KHDRBS2: variants seen among roughly 807,000 people sequenced by gnomAD.
KHDRBS2 encodes KH domain-containing, RNA-binding, signal transduction-associated protein 2.
In KHDRBS2, 26 loss-of-function variants were observed where a neutral mutation model predicts 44.3. That is an observed-to-expected ratio of 0.59 (90% CI 0.43 to 0.81). The LOEUF (loss-of-function observed/expected upper bound fraction) is 0.81, where lower values mean the gene tolerates loss of function less well. Ranked by LOEUF, KHDRBS2 falls within the 40% of genes least tolerant of loss-of-function variation. The pLI, the probability that KHDRBS2 is intolerant of heterozygous loss-of-function variation, is 0.00. For missense variants in KHDRBS2, 476 were observed against 433.1 expected, an observed-to-expected ratio of 1.10 and a Z score of -0.88; for synonymous variants, 194 against 151.1, an observed-to-expected ratio of 1.28 and a Z score of -2.08.
intron 3 of KHDRBS2, among the ~76,000 whole-genome samples, chr6:62,005,451 A>T (rs1349866357): frequency 2.6e-5 from 4 of 152,020 alleles, no homozygotes; most frequent in Admixed American, 2.6e-4. Context: ...ATATGCTTTA[A>T]TAATAGAAAA....
At chr6:62,079,564 T>C (rs1341603268) in intron 2 of KHDRBS2, among the ~76,000 whole-genome samples, 3 of 152,112 alleles carry the variant, frequency 2.0e-5, no homozygotes, top group Admixed American at 6.6e-5. Flanking sequence ...GATTCAGTTG[T>C]TGAATTTCAA....
chr6:61,794,272 G>A (rs1879023), intron 6 of KHDRBS2, among the ~76,000 whole-genome samples: 54 of 152,230 alleles, frequency 3.5e-4, no homozygotes, highest in African/African-American at 1.1e-3. Context: ...CCATTCCACC[G>A]ATGGGGAAGC....
intron 2 of KHDRBS2, among the ~76,000 whole-genome samples, chr6:62,100,977 G>T (rs1174867993): frequency 1.3e-5 from 2 of 152,130 alleles, no homozygotes; most frequent in African/African-American, 4.8e-5. Context: ...AACACTCAGA[G>T]CAGTCCTCCA....
chr6:62,152,090 C>T (rs1266912577), intron 2 of KHDRBS2, among the ~76,000 whole-genome samples: 4 of 151,844 alleles, frequency 2.6e-5, no homozygotes, highest in African/African-American at 4.8e-5. Flanking sequence ...GAGTCCGAGG[C>T]GGGAGGATCA....
intron 3 of KHDRBS2, among the ~76,000 whole-genome samples, chr6:62,027,691 T>C (rs1008667576): frequency 7.2e-5 from 11 of 152,070 alleles, no homozygotes; most frequent in Admixed American, 3.9e-4. Context: ...AACATGCTTA[T>C]GAAATGCAGC....
At chr6:62,123,071 C>T (rs764235163) in intron 2 of KHDRBS2, among the ~76,000 whole-genome samples, 3 of 152,082 alleles carry the variant, frequency 2.0e-5, no homozygotes, top group Non-Finnish European at 2.9e-5. Context: ...CCCCAACTGG[C>T]CCCAGTGTGT....
the KHDRBS2 span, among the ~76,000 whole-genome samples, chr6:61,608,314 G>A: frequency 1.2e-5 from 1 of 82,080 alleles, no homozygotes; most frequent in Non-Finnish European, 2.6e-5. Flanking sequence ...GTATATATAT[G>A]TGTGTATATA....
the KHDRBS2 span, among the ~76,000 whole-genome samples, chr6:61,598,463 T>G: frequency 6.6e-6 from 1 of 152,158 alleles, no homozygotes; most frequent in Non-Finnish European, 1.5e-5. Context: ...GGTCTCAGAT[T>G]CTCAGATGAC....
chr6:62,280,282 C>CA (rs758433727), intron 1 of KHDRBS2, among the ~76,000 whole-genome samples: 1 of 152,144 alleles, frequency 6.6e-6, no homozygotes, highest in Non-Finnish European at 1.5e-5. Flanking sequence ...AGAAGTGTGA[C>CA]ATGGTGAGAC....
chr6:61,992,137 C>T (rs970710823), intron 3 of KHDRBS2, among the ~76,000 whole-genome samples: 11 of 152,178 alleles, frequency 7.2e-5, no homozygotes, highest in African/African-American at 1.4e-4. Flanking sequence ...ACTGTTGCTA[C>T]TTTTAGCTTT....
chr6:62,101,284 T>C (rs1027716801), intron 2 of KHDRBS2, among the ~76,000 whole-genome samples: 1 of 152,108 alleles, frequency 6.6e-6, no homozygotes, highest in Non-Finnish European at 1.5e-5. Context: ...GATATCAACA[T>C]CCACAGTTTT....
At position 61,756,774 on chromosome 6, in the gene KHDRBS2, G is replaced by A. The variant is rs1255056949; in HGVS notation, c.811-24010C>T. Among the ~76,000 whole-genome samples the A allele has an allele frequency of 2.6e-5, 4 of 152,144 alleles. No individual in the cohort carries two copies. In the East Asian group the frequency reaches 7.7e-4, roughly 29 times the overall value. ...CAAACTAGTGTGTAGACACAGGTAT[G>A]CACCAGTGAAACTATCACCACAATC... is the stretch of plus-strand genomic sequence containing the variant. On this transcript the variant is annotated intron_variant, in intron 6 of 8. Coordinates refer to ENST00000281156, the MANE Select transcript of KHDRBS2 (RefSeq NM_152688.4).
intron 7 of KHDRBS2, among the ~76,000 whole-genome samples, chr6:61,703,699 T>C (rs1211665631): frequency 6.6e-6 from 1 of 151,890 alleles, no homozygotes; most frequent in Non-Finnish European, 1.5e-5. Context: ...TTAAAACTAC[T>C]GTGTAGATGA....
intron 2 of KHDRBS2, among the ~76,000 whole-genome samples, chr6:62,077,451 C>T (rs539378024): frequency 2.0e-5 from 3 of 152,154 alleles, no homozygotes; most frequent in East Asian, 1.9e-4. Context: ...CTCATATGTA[C>T]GTCTGCATTC....
At chr6:62,127,685 T>C (rs565939845) in intron 2 of KHDRBS2, among the ~76,000 whole-genome samples, 7 of 152,144 alleles carry the variant, frequency 4.6e-5, no homozygotes, top group Non-Finnish European at 7.4e-5. Flanking sequence ...TTTTTCTCTC[T>C]GGAGCCACAC....
chr6:61,625,749 C>T, the KHDRBS2 span, among the ~76,000 whole-genome samples: 1 of 152,170 alleles, frequency 6.6e-6, no homozygotes, highest in East Asian at 1.9e-4. Flanking sequence ...GCAGTTATTT[C>T]TCCCAGTAAT....
chr6:61,682,135 C>T (rs1221496198), intron 8 of KHDRBS2, among the ~76,000 whole-genome samples: 1 of 151,848 alleles, frequency 6.6e-6, no homozygotes, highest in Non-Finnish European at 1.5e-5. Context: ...CCAGATAGTT[C>T]CTCCGATCAT....
chr6:62,099,328 G>C (rs1418855186), intron 2 of KHDRBS2, among the ~76,000 whole-genome samples: 1 of 152,146 alleles, frequency 6.6e-6, no homozygotes, highest in African/African-American at 2.4e-5. Context: ...CAGAGCCTGT[G>C]ATCACTACCA....
intron 1 of KHDRBS2, among the ~76,000 whole-genome samples, chr6:62,251,432 G>C (rs572677282): frequency 3.3e-5 from 5 of 151,982 alleles, no homozygotes; most frequent in Non-Finnish European, 7.4e-5. Flanking sequence ...ATCTAAGTTT[G>C]CAATTATTTT....
Sources: gnomAD v4.1 joint callset for allele counts (sites outside exome capture counted in the v4.1 genomes callset) on GRCh38, gnomAD v4.1.1 for gene constraint, MANE v1.5 for transcripts, NCBI Gene and HGNC (gene_info 2026-07-23, HGNC 2026-07-21) for gene names.